MYH14: variants seen among roughly 807,000 people sequenced by gnomAD.
MYH14 encodes the protein myosin-14.
A neutral mutation model predicts 255.5 loss-of-function variants in MYH14; 123 were observed. The observed-to-expected ratio is 0.48, with a 90% confidence interval of 0.42 to 0.56. The LOEUF is 0.56. MYH14 is among the 20% of genes least tolerant of loss of function. MYH14 has a pLI of 0.00. For synonymous variants in MYH14, 1,095 were observed against 1,161.2 expected (o/e 0.94, Z 1.16); for missense variants, 2,423 against 2,802.3 (o/e 0.86, Z 3.06).
rs201317527 is a variant in MYH14 at position 50,257,463 on chromosome 19, A to G, written c.2209A>G (p.Ile737Val). 2.5e-6 allele frequency: 4 copies of G among 1,604,348 alleles called. No homozygotes were observed. Among genetic ancestry groups the G allele is most frequent in the East Asian group, 2.2e-5 (1 of 44,550 alleles). ...SNTNPSFVRC[I>V]VPNHEKRAGK... ...CACCAACCCCAGTTTTGTCCGCTGC[A>G]TTGTCCCCAACCACGAGAAGAGGGT... is the stretch of plus-strand genomic sequence containing the variant. Residue 737 changes from isoleucine (I) to valine (V), a missense_variant, in exon 18 of 43, where the codon ATT becomes GTT. By Grantham distance (29) the Ile-to-Val change is conservative (BLOSUM62 3). This residue lies in a region of MYH14 where 672 missense variants were observed against 881.8 expected (regional missense o/e 0.76). Transcript: ENST00000642316.
chr19:50,265,673 T>C (rs1244661628), intron 22 of MYH14, among the ~76,000 whole-genome samples: 3 of 151,710 alleles, frequency 2.0e-5, no homozygotes, highest in South Asian at 4.2e-4. Flanking sequence ...ATACAAAAAT[T>C]AGCTGGATGT....
intron 2 of MYH14, among the ~76,000 whole-genome samples, chr19:50,212,874 T>G (rs2032273497): frequency 6.6e-6 from 1 of 152,114 alleles, no homozygotes; most frequent in Admixed American, 6.6e-5. Flanking sequence ...CTCTACATGA[T>G]CCACTCCCCC....
At position 50,210,517 on chromosome 19, in the gene MYH14, C is replaced by G; in HGVS notation, c.152C>G (p.Thr51Arg). Reference sequence around the variant, plus strand: ...GGCACCTCCCCGCAGGTGGAGTGGACGGCCCGGCGTCTCGTGTGGGTGCCT... The same window carrying G: ...GGCACCTCCCCGCAGGTGGAGTGGAGGGCCCGGCGTCTCGTGTGGGTGCCT... ...GSGTSPQVEWTARRLVWVPSE... is the reference protein window; with the variant it reads ...GSGTSPQVEWRARRLVWVPSE... Residue 51 changes from threonine (T) to arginine (R), a missense_variant, in exon 2 of 43, where the codon ACG (threonine) becomes AGG (arginine). By Grantham distance (71) the Thr-to-Arg change is moderately conservative. Transcript: ENST00000642316. The G allele has an allele frequency of 6.4e-7, 1 of 1,571,324 alleles. No homozygotes were observed. Among genetic ancestry groups the G allele is most frequent in the South Asian group, 1.2e-5 (1 of 86,188 alleles).
Position 50,249,742 on chromosome 19 carries a change from G to A in MYH14, c.1575G>A (p.Glu525=), listed in dbSNP as rs2034290512. The A allele has an allele frequency of 3.7e-6, 6 of 1,614,210 alleles. No homozygotes were observed. The highest frequency in any genetic ancestry group is 5.1e-6 in the Non-Finnish European group (6 of 1,180,038). Residue 525 remains glutamate, a synonymous_variant, in exon 14 of 43, where the codon GAG becomes GAA. Coordinates refer to ENST00000642316, the MANE Select transcript of MYH14 (RefSeq NM_001145809.2). ...CCATGTTCGTGCTGGAGCAGGAGGAGTACCAGCGTGAGGGCATCCCCTGGA... is the reference window on the plus strand; with the variant it reads ...CCATGTTCGTGCTGGAGCAGGAGGAATACCAGCGTGAGGGCATCCCCTGGA... The part of the protein sequence containing the change: ...NHTMFVLEQE[E]YQREGIPWTF...
chr19:50,285,669 G>A (rs1318583195), intron 33 of MYH14: 1 of 152,106 alleles, frequency 6.6e-6, no homozygotes, highest in East Asian at 1.9e-4. Context: ...GTGAACAAAG[G>A]CAGTTTTACT....
At chr19:50,241,643 TA>T (rs1196818234) in intron 10 of MYH14, among the ~76,000 whole-genome samples, 2 of 78,786 alleles carry the variant, frequency 2.5e-5, no homozygotes, top group Admixed American at 2.4e-4. Flanking sequence ...CACTGTATAT[TA>T]ATTTTTTTTT....
At chr19:50,235,736 A>T (rs911928123) in intron 10 of MYH14, among the ~76,000 whole-genome samples, 20 of 151,954 alleles carry the variant, frequency 1.3e-4, no homozygotes, top group African/African-American at 4.8e-4. Context: ...GTGAGCTATG[A>T]TTGCACCACT....
intron 40 of MYH14, among the ~76,000 whole-genome samples, chr19:50,306,668 G>A (rs571479945): frequency 6.6e-6 from 1 of 152,346 alleles, no homozygotes; most frequent in Admixed American, 6.5e-5. Flanking sequence ...ATAGGGGAGA[G>A]AGACAAAAAG....
rs373197435 is a variant in MYH14 at position 50,217,729 on chromosome 19, G to A, written c.520G>A (p.Val174Met). The A allele has an allele frequency of 8.7e-6, 14 of 1,613,852 alleles. No individual in the cohort carries two copies. Among genetic ancestry groups the A allele is most frequent in the African/African-American group, 8.0e-5 (6 of 74,960 alleles). ...GKKRHEVPPHVYAVTEGAYRS... is the reference protein window; with the variant it reads ...GKKRHEVPPHMYAVTEGAYRS... ...GAAGCGCCACGAGGTGCCACCCCAC[G>A]TGTACGCAGTGACCGAGGGGGCCTA... Residue 174 changes from valine (V) to methionine (M), a missense_variant, in exon 3 of 43, where the codon GTG becomes ATG. Coordinates refer to ENST00000642316, the MANE Select transcript of MYH14 (RefSeq NM_001145809.2).
chr19:50,239,812 G>A (rs2033819000), intron 10 of MYH14, among the ~76,000 whole-genome samples: 1 of 152,114 alleles, frequency 6.6e-6, no homozygotes, highest in Non-Finnish European at 1.5e-5. Flanking sequence ...GCCTCCCAAA[G>A]TGCTGGGATT....
At chr19:50,305,730 C>A (rs1000984179) in intron 40 of MYH14, among the ~76,000 whole-genome samples, 1 of 151,312 alleles carries the variant, frequency 6.6e-6, no homozygotes, top group Non-Finnish European at 1.5e-5. Context: ...GAGTTCAAGA[C>A]CAGCCTGGGC....
intron 35 of MYH14, among the ~76,000 whole-genome samples, chr19:50,290,048 A>G (rs571278382): frequency 6.6e-6 from 1 of 151,874 alleles, no homozygotes; most frequent in East Asian, 1.9e-4. Flanking sequence ...CTGCCACCCC[A>G]TCTATTCAAC....
intron 2 of MYH14, among the ~76,000 whole-genome samples, chr19:50,212,196 G>A (rs1051080135): frequency 1.3e-5 from 2 of 152,096 alleles, no homozygotes; most frequent in South Asian, 2.1e-4. Flanking sequence ...TACCAGTGAC[G>A]GAGCCCCACC....
chr19:50,280,995 T>G lies in MYH14; in HGVS notation c.4291-599T>G, dbSNP rs956958888. On this transcript the variant is annotated intron_variant, in intron 32 of 42. Coordinates refer to ENST00000642316, the MANE Select transcript of MYH14 (RefSeq NM_001145809.2). This position sits in a 1 kb window ranked among gnomAD's most constrained non-coding sequence, Gnocchi z 4.8. ...AACTCCAGTCACCTTGGGCTGGGAC[T>G]GTCTCTGCCCATGAGTCTCCCCACC... is the stretch of plus-strand genomic sequence containing the variant. 2.0e-5 allele frequency among the ~76,000 whole-genome samples: 3 copies of G among 152,224 alleles called. No individual in the cohort carries two copies. The highest frequency in any genetic ancestry group is 2.9e-5 in the Non-Finnish European group (2 of 68,040).
intron 5 of MYH14, 109 bp from the exon 6 acceptor site, chr19:50,224,045 T>TCCCCCCCCCC: frequency 3.2e-6 from 1 of 316,168 alleles, no homozygotes; most frequent in South Asian, 3.6e-5. Context: ...CCAGTCCCCC[T>TCCCCCCCCCC]TCCCCCACCC....
At position 50,210,398 on chromosome 19, in the gene MYH14, G is replaced by A. The variant is rs8106196; in HGVS notation, c.33G>A (p.Arg11=). Residue 11 remains arginine (R), a synonymous_variant, in exon 2 of 43, where the codon CGG becomes CGA. Coordinates refer to ENST00000642316, the MANE Select transcript of MYH14 (RefSeq NM_001145809.2). ...CCGTGACCATGTCGGTGCCCGGGCG[G>A]AAGGCGCCCCCCAGGCCGGGCCCAG... The part of the protein sequence containing the change: MAAVTMSVPG[R]KAPPRPGPVP... The A allele has an allele frequency of 2.5e-5, 39 of 1,580,636 alleles. No individual in the cohort carries two copies. The East Asian group carries it at 8.7e-4, about 35-fold the overall frequency.
chr19:50,217,612 C>T lies in MYH14; in HGVS notation c.406-3C>T. ...AGACCCTCTCCCCTCTCACCCACTG[C>T]AGACGTACTCCGGCCTTTTCTGTGT... On this transcript the variant is annotated splice_polypyrimidine_tract_variant and splice_region_variant and intron_variant, in intron 2 of 42. Transcript: ENST00000642316. 6.2e-7 allele frequency: 1 copy of T among 1,614,048 alleles called. No individual in the cohort carries two copies. Among genetic ancestry groups the T allele is most frequent in the Non-Finnish European group, 8.5e-7 (1 of 1,179,900 alleles).
At position 50,276,095 on chromosome 19, in the gene MYH14, C is replaced by T; in HGVS notation, c.3572C>T (p.Ala1191Val). The T allele has an allele frequency of 6.2e-7, 1 of 1,609,346 alleles. No homozygotes were observed. The change falls in exon 28 of 43, where the codon GCC becomes GTC. Residue 1191 changes from alanine to valine, a missense_variant. Around this residue, in one of 3 missense-constraint regions of MYH14, gnomAD observed 1,513 missense variants for 1,674.8 expected, o/e 0.90. Transcript: ENST00000642316. The surrounding 1 kb of genome is among the most constrained non-coding windows in gnomAD (Gnocchi z 4.3). ...AQEDLESERVARTKAEKQRRD... is the reference protein window; with the variant it reads ...AQEDLESERVVRTKAEKQRRD... ...GAGGACCTGGAGTCTGAGCGTGTGG[C>T]CAGGACCAAGGCGGAGAAGCAGCGC...
chr19:50,222,431 G>T (rs2032877425), intron 3 of MYH14, among the ~76,000 whole-genome samples: 1 of 136,930 alleles, frequency 7.3e-6, no homozygotes, highest in South Asian at 2.5e-4. Context: ...AGTGAGCCGA[G>T]ATTGCGCCAC....
Sources: allele counts gnomAD v4.1 joint callset (sites outside exome capture counted in the v4.1 genomes callset), GRCh38; gene constraint gnomAD v4.1.1; regional missense constraint gnomAD v4.1.1; non-coding constraint Gnocchi (gnomAD v3.1); transcripts MANE v1.5; gene names NCBI Gene and HGNC (gene_info 2026-07-23, HGNC 2026-07-21).